GPC6: variants seen among roughly 807,000 people sequenced by gnomAD.
The protein encoded by GPC6 is glypican 6, also known as glypican-6.
A neutral mutation model predicts 55.2 loss-of-function variants in GPC6; 14 were observed. That is an observed-to-expected ratio of 0.25 (90% confidence interval 0.17 to 0.40). The LOEUF (loss-of-function observed/expected upper bound fraction) is 0.40. Among genes scored for constraint, GPC6 ranks in the 10% least tolerant of loss-of-function variants. The pLI, the probability that GPC6 is intolerant of heterozygous loss-of-function variation, is 1.00. For synonymous variants in GPC6, 278 were observed against 259.6 expected (o/e 1.07, Z -0.68); for missense variants, 641 against 708.5 (o/e 0.90, Z 1.08).
chr13:93,371,736 G>A (rs564499459), intron 1 of GPC6, among the ~76,000 whole-genome samples: 1 of 152,174 alleles, frequency 6.6e-6, no homozygotes, highest in Admixed American at 6.6e-5. Context: ...AGTGTGGATA[G>A]GCAGGGAGAT....
At chr13:93,477,594 T>C (rs2139336987) in intron 1 of GPC6, among the ~76,000 whole-genome samples, 1 of 152,272 alleles carries the variant, frequency 6.6e-6, no homozygotes, top group African/African-American at 2.4e-5. Context: ...TAGCAAACAG[T>C]TCACAAATAA....
chr13:93,683,332 T>C (rs1881926885), intron 2 of GPC6, among the ~76,000 whole-genome samples: 2 of 152,238 alleles, frequency 1.3e-5, no homozygotes, highest in East Asian at 1.9e-4. Flanking sequence ...AAATTAATCT[T>C]GTCAAAGAGG....
At chr13:93,808,956 G>C (rs1490508685) in intron 2 of GPC6, among the ~76,000 whole-genome samples, 1 of 152,214 alleles carries the variant, frequency 6.6e-6, no homozygotes, top group Admixed American at 6.5e-5. Flanking sequence ...CTCCATCAGA[G>C]AAGTGCCTGT....
chr13:94,367,767 C>CAAAG, intron 6 of GPC6, among the ~76,000 whole-genome samples: 1 of 151,096 alleles, frequency 6.6e-6, no homozygotes, highest in Middle Eastern at 3.4e-3. Flanking sequence ...TTCAAACCTT[C>CAAAG]AAAGATTCAC....
intron 4 of GPC6, among the ~76,000 whole-genome samples, chr13:94,266,400 C>G (rs1445145549): frequency 1.3e-5 from 2 of 152,152 alleles, no homozygotes; most frequent in Non-Finnish European, 2.9e-5. Context: ...GATCTCCTGA[C>G]CTCGTGATCC....
chr13:93,886,404 C>T (rs951944429), intron 3 of GPC6, among the ~76,000 whole-genome samples: 3 of 151,910 alleles, frequency 2.0e-5, no homozygotes, highest in Non-Finnish European at 4.4e-5. Context: ...GTGGCTGTCC[C>T]CAGTGCAGAT....
chr13:93,486,760 C>T (rs904288309), intron 1 of GPC6, among the ~76,000 whole-genome samples: 16 of 152,026 alleles, frequency 1.1e-4, no homozygotes, highest in African/African-American at 3.1e-4. Context: ...TCCTGGCCAA[C>T]ATGGTGAAAA....
intron 2 of GPC6, among the ~76,000 whole-genome samples, chr13:93,814,992 A>G (rs1433084684): frequency 6.6e-6 from 1 of 152,156 alleles, no homozygotes; most frequent in Non-Finnish European, 1.5e-5. Flanking sequence ...AAAACCAAAA[A>G]ACAAAAGACT....
At chr13:93,826,160 G>A (rs1025627706) in intron 2 of GPC6, among the ~76,000 whole-genome samples, 8 of 152,096 alleles carry the variant, frequency 5.3e-5, no homozygotes, top group East Asian at 3.9e-4. Flanking sequence ...GCACCCGGCC[G>A]GATGTCAGCT....
intron 2 of GPC6, among the ~76,000 whole-genome samples, chr13:93,566,693 C>G (rs1453780403): frequency 6.6e-6 from 1 of 151,238 alleles, no homozygotes; most frequent in Non-Finnish European, 1.5e-5. Flanking sequence ...TTAGGTATTT[C>G]TCCTAAAGCT....
chr13:93,893,306 C>T (rs1320108401), intron 3 of GPC6, among the ~76,000 whole-genome samples: 1 of 152,058 alleles, frequency 6.6e-6, no homozygotes, highest in South Asian at 2.1e-4. Context: ...TGATCCGCCT[C>T]GGCCTCCCAA....
intron 1 of GPC6, among the ~76,000 whole-genome samples, chr13:93,494,944 G>T (rs1880198368): frequency 6.9e-6 from 1 of 145,064 alleles, no homozygotes; most frequent in Non-Finnish European, 1.5e-5. Context: ...TTTCTCTCTG[G>T]CTGCCCTTAA....
chr13:94,369,740 C>T (rs1173215513), intron 6 of GPC6, among the ~76,000 whole-genome samples: 1 of 149,584 alleles, frequency 6.7e-6, no homozygotes, highest in African/African-American at 2.4e-5. Context: ...CATCTGAGAT[C>T]TCTCTCTCTC....
chr13:93,324,589 T>TAC (rs1342283646), intron 1 of GPC6, among the ~76,000 whole-genome samples: 1 of 101,340 alleles, frequency 9.9e-6, no homozygotes, highest in Non-Finnish European at 1.8e-5. Context: ...CATACATACA[T>TAC]ATATATATAT....
chr13:93,428,152 T>C (rs1273112942), intron 1 of GPC6, among the ~76,000 whole-genome samples: 1 of 147,558 alleles, frequency 6.8e-6, no homozygotes, highest in Admixed American at 7.0e-5. Flanking sequence ...ATGTGAAGAT[T>C]TTGTTTCCAT....
At chr13:94,055,180 C>T (rs1884089277) in intron 4 of GPC6, among the ~76,000 whole-genome samples, 1 of 152,164 alleles carries the variant, frequency 6.6e-6, no homozygotes, top group Non-Finnish European at 1.5e-5. Flanking sequence ...TCAGCGAAGA[C>T]CCTGAGGGAG....
intron 1 of GPC6, among the ~76,000 whole-genome samples, chr13:93,331,219 A>G (rs1879832927): frequency 6.6e-6 from 1 of 152,262 alleles, no homozygotes; most frequent in Non-Finnish European, 1.5e-5. Flanking sequence ...AAATACTCAT[A>G]CTACATTTTT....
chr13:93,416,678 C>T (rs779026246), intron 1 of GPC6, among the ~76,000 whole-genome samples: 2 of 152,076 alleles, frequency 1.3e-5, no homozygotes, highest in Non-Finnish European at 2.9e-5. Context: ...CATTAACCTT[C>T]TCCACCTCCC....
intron 3 of GPC6, among the ~76,000 whole-genome samples, chr13:93,944,941 C>T (rs1179822647): frequency 1.3e-5 from 2 of 152,086 alleles, no homozygotes; most frequent in African/African-American, 2.4e-5. Context: ...CCTTTGACCA[C>T]ATAAGCGATG....
Sources: allele counts gnomAD v4.1 joint callset (sites outside exome capture counted in the v4.1 genomes callset), GRCh38; gene constraint gnomAD v4.1.1; transcripts MANE v1.5; gene names NCBI Gene and HGNC (gene_info 2026-07-23, HGNC 2026-07-21).